Variants in DCPH1 observed in about 807,000 individuals in gnomAD.
The protein encoded by DCPH1 is damage control phosphatase 1, also known as damage-control phosphatase 1.
chr6:151,452,677 G>T, the DCPH1 span: 1 of 1,331,536 alleles, frequency 7.5e-7, no homozygotes, highest in Middle Eastern at 2.5e-4. Flanking sequence ...CCGCTCCCCG[G>T]TGGGCTGCGT....
At chr6:151,468,467 A>C in the DCPH1 span, 1 of 1,613,584 alleles carries the variant, frequency 6.2e-7, no homozygotes, top group Non-Finnish European at 8.5e-7. Flanking sequence ...GATATGGAAC[A>C]TCTTTGGTCA....
chr6:151,464,170 A>G, the DCPH1 span, among the ~76,000 whole-genome samples: 1 of 152,194 alleles, frequency 6.6e-6, no homozygotes, highest in Non-Finnish European at 1.5e-5. Flanking sequence ...GTGCCCTGGA[A>G]TCCCTGCTAG....
the DCPH1 span, among the ~76,000 whole-genome samples, chr6:151,463,020 G>T: frequency 6.6e-6 from 1 of 152,184 alleles, no homozygotes; most frequent in Non-Finnish European, 1.5e-5. Context: ...AATGAGCATG[G>T]CTGTGTTCTA....
chr6:151,461,637 C>A, the DCPH1 span, among the ~76,000 whole-genome samples: 3 of 152,180 alleles, frequency 2.0e-5, no homozygotes, highest in Non-Finnish European at 4.4e-5. Context: ...TGCCGTTGTA[C>A]TCCAGCCTGG....
the DCPH1 span, among the ~76,000 whole-genome samples, chr6:151,467,370 A>C: frequency 2.0e-5 from 3 of 152,042 alleles, no homozygotes; most frequent in Non-Finnish European, 2.9e-5. Flanking sequence ...AGGCCACGGC[A>C]GGAGGATTGC....
the DCPH1 span, among the ~76,000 whole-genome samples, chr6:151,457,012 A>G: frequency 1.3e-5 from 2 of 152,176 alleles, no homozygotes; most frequent in African/African-American, 4.8e-5. Flanking sequence ...TGACACAGAT[A>G]AAGTCTGCTT....
At chr6:151,452,672 C>T in the DCPH1 span, 313 of 1,347,418 alleles carry the variant, frequency 2.3e-4, no homozygotes, top group Middle Eastern at 9.8e-4. Flanking sequence ...GGCGCCCGCT[C>T]CCCGGTGGGC....
the DCPH1 span, among the ~76,000 whole-genome samples, chr6:151,457,740 T>C: frequency 3.3e-5 from 5 of 149,420 alleles, no homozygotes; most frequent in African/African-American, 1.2e-4. Flanking sequence ...TATACGTGTC[T>C]TATTAGGCTT....
At chr6:151,460,221 A>G in the DCPH1 span, among the ~76,000 whole-genome samples, 3 of 151,908 alleles carry the variant, frequency 2.0e-5, no homozygotes, top group Non-Finnish European at 4.4e-5. Context: ...CTGGGATTAC[A>G]GGCACCTCCC....
At chr6:151,459,827 A>G in the DCPH1 span, among the ~76,000 whole-genome samples, 1 of 152,180 alleles carries the variant, frequency 6.6e-6, no homozygotes, top group Non-Finnish European at 1.5e-5. Flanking sequence ...TATAGTGCCA[A>G]AGAAAAGTTA....
the DCPH1 span, chr6:151,452,777 G>A: frequency 5.3e-6 from 3 of 566,598 alleles, no homozygotes; most frequent in Non-Finnish European, 6.1e-6. Context: ...CCCCGGGGAG[G>A]GAGCCTGCCC....
chr6:151,452,608 C>T, the DCPH1 span: 2 of 1,598,360 alleles, frequency 1.3e-6, no homozygotes, highest in Non-Finnish European at 1.7e-6. Flanking sequence ...TTTTCTCCTC[C>T]CCACTTTTGC....
chr6:151,456,818 A>G, the DCPH1 span, among the ~76,000 whole-genome samples: 3 of 152,302 alleles, frequency 2.0e-5, no homozygotes, highest in East Asian at 5.8e-4. Context: ...GCCTGGCCCC[A>G]TAATGCTTTT....
At chr6:151,457,964 A>T in the DCPH1 span, among the ~76,000 whole-genome samples, 1 of 152,328 alleles carries the variant, frequency 6.6e-6, no homozygotes. Context: ...TTGAGCTACC[A>T]AAAGAAACCT....
chr6:151,468,229 G>C, the DCPH1 span: 2 of 658,746 alleles, frequency 3.0e-6, no homozygotes, highest in Non-Finnish European at 5.2e-6. Flanking sequence ...GTCATGTAAA[G>C]AGTTTTGTAG....
chr6:151,465,248 A>G, the DCPH1 span, among the ~76,000 whole-genome samples: 2 of 152,196 alleles, frequency 1.3e-5, no homozygotes, highest in African/African-American at 2.4e-5. Flanking sequence ...TTTACAACAC[A>G]TTATTAGAAT....
chr6:151,453,769 T>C, the DCPH1 span, among the ~76,000 whole-genome samples: 30 of 152,362 alleles, frequency 2.0e-4, no homozygotes, highest in African/African-American at 7.2e-4. Context: ...ACCTGTATCA[T>C]GTATTTCCTT....
the DCPH1 span, among the ~76,000 whole-genome samples, chr6:151,457,511 C>T: frequency 6.6e-6 from 1 of 152,256 alleles, no homozygotes; most frequent in South Asian, 2.1e-4. Context: ...AAACAGTCAG[C>T]TACAACTTCT....
the DCPH1 span, chr6:151,458,488 A>T: frequency 1.2e-6 from 2 of 1,613,340 alleles, no homozygotes; most frequent in African/African-American, 2.7e-5. Flanking sequence ...AATGAAAGTG[A>T]TGGAAAATCA....
Sources: allele counts gnomAD v4.1 joint callset (sites outside exome capture counted in the v4.1 genomes callset), GRCh38; gene constraint gnomAD v4.1.1; transcripts MANE v1.5; gene names NCBI Gene and HGNC (gene_info 2026-07-23, HGNC 2026-07-21).